The following CCSER1 variants were observed in gnomAD, a reference collection of about 807,000 sequenced individuals.
The protein encoded by CCSER1 is serine-rich coiled-coil domain-containing protein 1.
Under a neutral mutation model 82.0 loss-of-function variants are expected in CCSER1, and 41 were observed. The observed-to-expected ratio is 0.50, with a 90% CI of 0.39 to 0.65. CCSER1 has a LOEUF of 0.65. Ranked by LOEUF, CCSER1 falls within the 30% of genes least tolerant of loss-of-function variation. CCSER1 has a pLI of 0.00. For synonymous variants in CCSER1, 414 were observed against 383.9 expected (o/e 1.08, Z -0.92); for missense variants, 1,119 against 1,064.2 (o/e 1.05, Z -0.72).
intron 4 of CCSER1, among the ~76,000 whole-genome samples, chr4:90,408,467 C>T (rs1295891967): frequency 4.6e-5 from 7 of 152,166 alleles, no homozygotes; most frequent in South Asian, 4.2e-4. Context: ...GCAGCATTTG[C>T]GGTTCACCAA....
chr4:91,573,473 C>T (rs1452337121), intron 10 of CCSER1, among the ~76,000 whole-genome samples: 1 of 152,154 alleles, frequency 6.6e-6, no homozygotes, highest in African/African-American at 2.4e-5. Flanking sequence ...TGAGTGGCTT[C>T]TCTGCCAAGA....
intron 10 of CCSER1, among the ~76,000 whole-genome samples, chr4:91,246,061 C>T (rs1200188610): frequency 6.6e-6 from 1 of 152,078 alleles, no homozygotes; most frequent in African/African-American, 2.4e-5. Flanking sequence ...TAGTAGTAAG[C>T]ACATAGAAAA....
At chr4:91,527,206 A>G (rs755988501) in intron 10 of CCSER1, among the ~76,000 whole-genome samples, 1 of 152,228 alleles carries the variant, frequency 6.6e-6, no homozygotes, top group Non-Finnish European at 1.5e-5. Context: ...TGAAGTGCAT[A>G]GCATTTTAAG....
intron 4 of CCSER1, among the ~76,000 whole-genome samples, chr4:90,434,240 T>G (rs879859661): frequency 1.4e-4 from 21 of 152,172 alleles, no homozygotes; most frequent in Non-Finnish European, 2.2e-4. Context: ...GCAAAAATAA[T>G]TTTTGATATT....
chr4:90,619,545 G>A (rs971133890), intron 5 of CCSER1, among the ~76,000 whole-genome samples: 13 of 152,098 alleles, frequency 8.5e-5, no homozygotes, highest in Non-Finnish European at 1.6e-4. Context: ...TTAGGGGGCA[G>A]TAAATAAGAG....
At chr4:91,304,372 A>T (rs1186495728) in intron 10 of CCSER1, among the ~76,000 whole-genome samples, 1 of 152,112 alleles carries the variant, frequency 6.6e-6, no homozygotes, top group Non-Finnish European at 1.5e-5. Flanking sequence ...CAATTGCCTT[A>T]AATTTTCCTT....
At chr4:90,135,200 C>T (rs1227968611) in intron 1 of CCSER1, among the ~76,000 whole-genome samples, 1 of 152,130 alleles carries the variant, frequency 6.6e-6, no homozygotes, top group Non-Finnish European at 1.5e-5. Context: ...TTTGATAACT[C>T]AACTCTAACA....
At chr4:90,371,239 C>T (rs1275724403) in intron 3 of CCSER1, among the ~76,000 whole-genome samples, 2 of 152,016 alleles carry the variant, frequency 1.3e-5, no homozygotes, top group East Asian at 1.9e-4. Context: ...ATTCAGTATC[C>T]TTCCAGAAAA....
At chr4:91,366,395 C>T (rs181855604) in intron 10 of CCSER1, among the ~76,000 whole-genome samples, 86 of 152,202 alleles carry the variant, frequency 5.7e-4, no homozygotes, top group African/African-American at 1.6e-3. Context: ...TGGCATTGTA[C>T]CATTTATCTG....
chr4:91,483,311 G>A (rs1446174913), intron 10 of CCSER1, among the ~76,000 whole-genome samples: 1 of 152,206 alleles, frequency 6.6e-6, no homozygotes. Context: ...GTAATGGTCT[G>A]AGGTCAGAAT....
intron 10 of CCSER1, among the ~76,000 whole-genome samples, chr4:91,552,679 G>A (rs1485626598): frequency 6.6e-6 from 1 of 151,510 alleles, no homozygotes; most frequent in African/African-American, 2.4e-5. Flanking sequence ...GATTTAGCTT[G>A]TCATGCTAAA....
chr4:90,879,540 GA>G (rs869271581), intron 8 of CCSER1, among the ~76,000 whole-genome samples: 23,367 of 107,724 alleles, frequency 0.22, 2,081 homozygotes, highest in African/African-American at 0.28. Flanking sequence ...GGAAGAAGAA[GA>G]AAGAAGAAGA....
chr4:90,707,606 CA>C (rs979050482), intron 6 of CCSER1, among the ~76,000 whole-genome samples: 3 of 151,770 alleles, frequency 2.0e-5, no homozygotes, highest in Non-Finnish European at 2.9e-5. Context: ...TTTGTCCAAA[CA>C]TCCATTATCT....
At chr4:90,941,498 ATATT>A (rs1369974586) in intron 9 of CCSER1, among the ~76,000 whole-genome samples, 2 of 152,112 alleles carry the variant, frequency 1.3e-5, no homozygotes, top group East Asian at 1.9e-4. Flanking sequence ...ATTGTTTTAA[ATATT>A]TATTTCTTTA....
intron 1 of CCSER1, among the ~76,000 whole-genome samples, chr4:90,237,593 A>C (rs919846967): frequency 6.6e-6 from 1 of 152,206 alleles, no homozygotes; most frequent in Non-Finnish European, 1.5e-5. Flanking sequence ...AAACAAGGCA[A>C]AATAACAATT....
chr4:91,084,061 G>C (rs1168523503), intron 9 of CCSER1, among the ~76,000 whole-genome samples: 8 of 152,026 alleles, frequency 5.3e-5, no homozygotes, highest in African/African-American at 7.2e-5. Flanking sequence ...CTCCCGAGTA[G>C]CTGGGATTAT....
At chr4:91,198,779 A>T (rs1735663464) in intron 10 of CCSER1, among the ~76,000 whole-genome samples, 1 of 152,142 alleles carries the variant, frequency 6.6e-6, no homozygotes, top group Non-Finnish European at 1.5e-5. Context: ...GCCAATTAAG[A>T]CTTTTAGTTT....
chr4:91,483,096 T>TA (rs199615741), intron 10 of CCSER1, among the ~76,000 whole-genome samples: 1 of 136,806 alleles, frequency 7.3e-6, no homozygotes, highest in East Asian at 2.2e-4. Flanking sequence ...AGTATAATAA[T>TA]AAAAAAAAGG....
chr4:91,491,852 A>G (rs940587005), intron 10 of CCSER1, among the ~76,000 whole-genome samples: 1 of 151,992 alleles, frequency 6.6e-6, no homozygotes, highest in African/African-American at 2.4e-5. Context: ...ATTACTTACA[A>G]TTCTTCATGT....
Sources: gnomAD v4.1 joint callset for allele counts (sites outside exome capture counted in the v4.1 genomes callset) on GRCh38, gnomAD v4.1.1 for gene constraint, MANE v1.5 for transcripts, NCBI Gene and HGNC (gene_info 2026-07-23, HGNC 2026-07-21) for gene names.